Variants in FNBP4 observed in about 807,000 individuals in gnomAD.
FNBP4 encodes the protein formin binding protein 4, also known as formin-binding protein 4.
FNBP4 carries 34 observed loss-of-function variants against 119.3 expected under a neutral mutation model. The ratio of observed to expected loss-of-function variants is 0.28; its 90% CI spans 0.22 to 0.38. FNBP4 has a LOEUF of 0.38. FNBP4 is among the 10% of genes least tolerant of loss of function. The probability of loss-of-function intolerance (pLI) is 1.00; values close to 1 mark genes in which losing one functional copy is unlikely to be tolerated. For synonymous variants in FNBP4, 462 were observed against 430.6 expected, an observed-to-expected ratio of 1.07 and a Z score of -0.90; for missense variants, 1,112 against 1,228.9, an observed-to-expected ratio of 0.90 and a Z score of 1.42.
At chr11:47,739,682 T>C (rs1421873823) in intron 8 of FNBP4, among the ~76,000 whole-genome samples, 2 of 152,196 alleles carry the variant, frequency 1.3e-5, no homozygotes, top group African/African-American at 4.8e-5. Flanking sequence ...TCCAGCACTT[T>C]GGGGGAGCGA....
intron 8 of FNBP4, among the ~76,000 whole-genome samples, chr11:47,742,696 T>C (rs2097584026): frequency 6.6e-6 from 1 of 151,574 alleles, no homozygotes; most frequent in Non-Finnish European, 1.5e-5. Flanking sequence ...GAGACCAGCC[T>C]TGCCAACATG....
At chr11:47,760,436 G>GA (rs1369650743) in intron 2 of FNBP4, among the ~76,000 whole-genome samples, 4 of 132,450 alleles carry the variant, frequency 3.0e-5, no homozygotes, top group African/African-American at 1.1e-4. Flanking sequence ...GTATTTTTTT[G>GA]TTTTTTTTTT....
chr11:47,754,167 G>A (rs1455733074), intron 3 of FNBP4, among the ~76,000 whole-genome samples: 3 of 150,240 alleles, frequency 2.0e-5, no homozygotes, highest in Admixed American at 1.3e-4. Context: ...AGATCGTACC[G>A]CTGCACTCGA....
At chr11:47,757,536 C>T (rs2097622033) in intron 2 of FNBP4, among the ~76,000 whole-genome samples, 1 of 150,368 alleles carries the variant, frequency 6.7e-6, no homozygotes, top group South Asian at 2.1e-4. Flanking sequence ...CTCTGTTGCC[C>T]AGGCTGAAGT....
At chr11:47,744,217 T>A in intron 7 of FNBP4, 54 bp from the exon 8 acceptor site, 1 of 1,385,468 alleles carries the variant, frequency 7.2e-7, no homozygotes, top group Non-Finnish European at 1.0e-6. Context: ...TTAATATGTA[T>A]AATCAGAATA....
intron 10 of FNBP4, 41 bp downstream of exon 10, chr11:47,733,984 A>G (rs376595488): frequency 4.8e-6 from 5 of 1,037,468 alleles, no homozygotes; most frequent in Non-Finnish European, 6.9e-6. Flanking sequence ...TCATTCAAAC[A>G]CTTAACTGTT....
chr11:47,755,533 A>G (rs998722894), intron 2 of FNBP4, among the ~76,000 whole-genome samples: 4 of 151,830 alleles, frequency 2.6e-5, no homozygotes, highest in South Asian at 2.1e-4. Context: ...TACAGACCCA[A>G]CTTCTTCGGG....
intron 8 of FNBP4, among the ~76,000 whole-genome samples, chr11:47,742,368 A>T (rs1006172945): frequency 4.0e-5 from 6 of 148,856 alleles, no homozygotes; most frequent in Non-Finnish European, 8.9e-5. Flanking sequence ...AATCCCAGCT[A>T]CTCAGGAGGC....
rs1282006364 is a variant in FNBP4 at position 47,732,565 on chromosome 11, G to A, written c.1792C>T (p.Pro598Ser). The part of the protein sequence containing the change: ...QLKQYEINAT[P>S]KGWSCHWDRD... ...TCCCAGTGGCAGGACCAGCCTTTAGGAGTGGCGTTTATTTCATACTGTTTT... is the reference window on the plus strand; with the variant it reads ...TCCCAGTGGCAGGACCAGCCTTTAGAAGTGGCGTTTATTTCATACTGTTTT... The change falls in exon 11 of 17, where the codon CCT becomes TCT. Residue 598 changes from proline (P) to serine (S), a missense_variant. Pro to Ser is a moderately conservative substitution (Grantham distance 74). Around this residue, in one of 2 missense-constraint regions of FNBP4, gnomAD observed 826 missense variants for 988.8 expected, o/e 0.84. Transcript: ENST00000263773. This position sits in a 1 kb window ranked among gnomAD's most constrained non-coding sequence, Gnocchi z 4.2. 1 of 1,614,154 alleles carries A rather than the reference G, an allele frequency of 6.2e-7. No homozygotes were observed. The highest frequency in any genetic ancestry group is 1.7e-5 in the Admixed American group (1 of 60,004).
intron 7 of FNBP4, among the ~76,000 whole-genome samples, chr11:47,745,778 CTCTT>C (rs1174472124): frequency 3.9e-5 from 6 of 152,148 alleles, no homozygotes; most frequent in East Asian, 1.9e-4. Context: ...TCTCATTATA[CTCTT>C]TCTATTTCTC....
At chr11:47,722,601 CTTTTTTTGAGATGGAGTCTTGCTCT>C (rs2097557102) in intron 15 of FNBP4, among the ~76,000 whole-genome samples, 9 of 150,462 alleles carry the variant, frequency 6.0e-5, no homozygotes, top group Non-Finnish European at 1.3e-4. Flanking sequence ...TTTCTTTTTT[CTTTTTTTGAGATGGAGTCTTGCTCT>C]GTCACCCAGG....
intron 12 of FNBP4, chr11:47,729,785 CTCTT>C: frequency 1.0e-6 from 1 of 985,434 alleles, no homozygotes; most frequent in Non-Finnish European, 1.2e-6. Context: ...ATTAAGAGCT[CTCTT>C]TATTAGGCTT....
intron 12 of FNBP4, chr11:47,730,193 A>G: frequency 1.0e-6 from 1 of 985,410 alleles, no homozygotes; most frequent in Non-Finnish European, 1.2e-6. Flanking sequence ...ATTAACTGCT[A>G]AAAAGCAAAC....
intron 14 of FNBP4, 69 bp downstream of exon 14, chr11:47,723,953 AGTTTTT>A: frequency 7.6e-7 from 1 of 1,316,584 alleles, no homozygotes; most frequent in Non-Finnish European, 1.0e-6. Context: ...ACATTTCTTT[AGTTTTT>A]ATGGCATCTA....
At chr11:47,724,916 G>A (rs2097559384) in intron 12 of FNBP4, 138 bp from the exon 13 acceptor site, 2 of 1,277,952 alleles carry the variant, frequency 1.6e-6, no homozygotes, top group South Asian at 2.0e-5. Context: ...AGAATGTGGT[G>A]TCAAACAGCA....
intron 6 of FNBP4, among the ~76,000 whole-genome samples, chr11:47,748,732 C>T (rs1232000654): frequency 6.6e-6 from 1 of 152,008 alleles, no homozygotes; most frequent in Non-Finnish European, 1.5e-5. Flanking sequence ...TCATTGCAAC[C>T]TCTGCCTCCC....
At chr11:47,722,945 ATAAATTTT>A (rs2097557435) in intron 15 of FNBP4, 23 bp downstream of exon 15, 5 of 1,467,190 alleles carry the variant, frequency 3.4e-6, no homozygotes, top group Non-Finnish European at 4.5e-6. Flanking sequence ...ATTTTTAAAA[ATAAATTTT>A]TAAAAAGGGA....
At chr11:47,752,142 G>A (rs1013236301) in intron 4 of FNBP4, among the ~76,000 whole-genome samples, 4 of 152,020 alleles carry the variant, frequency 2.6e-5, no homozygotes, top group Admixed American at 2.0e-4. Context: ...AAAAGACAGA[G>A]GTTGGGCGCG....
rs752992940 is a variant in FNBP4 at position 47,746,374 on chromosome 11, C to G, written c.927G>C (p.Gln309His). ...EVKKEVNEGI[Q>H]ALSNSEEEKK... is the part of the protein sequence containing the mutation. The stretch of plus-strand genomic sequence containing the variant: ...TCTCCTCCTCACTATTTGAGAGAGC[C>G]TGAATTCCTTCATTTACTTCCTATA... The change falls in exon 7 of 17, where the codon CAG (glutamine) becomes CAC (histidine). Residue 309 changes from glutamine to histidine, a missense_variant. By Grantham distance (24) the Gln-to-His change is conservative. This residue lies in a region of FNBP4 where 826 missense variants were observed against 988.8 expected (regional missense o/e 0.84). Coordinates refer to ENST00000263773, the MANE Select transcript of FNBP4 (RefSeq NM_015308.5). 1.2e-5 allele frequency: 19 copies of G among 1,597,888 alleles called. No homozygotes were observed. The African/African-American group carries it at 2.2e-4, about 18-fold the overall frequency.
Sources: gnomAD v4.1 joint callset for allele counts (sites outside exome capture counted in the v4.1 genomes callset) on GRCh38, gnomAD v4.1.1 for gene constraint, gnomAD v4.1.1 regional missense constraint, Gnocchi (gnomAD v3.1) non-coding constraint, MANE v1.5 for transcripts, NCBI Gene and HGNC (gene_info 2026-07-23, HGNC 2026-07-21) for gene names.